C12orf42: variants seen among roughly 807,000 people sequenced by gnomAD.
C12orf42 encodes chromosome 12 open reading frame 42.
In C12orf42, 25 loss-of-function variants were observed where a neutral mutation model predicts 21.6. The ratio of observed to expected loss-of-function variants is 1.16; its 90% CI spans 0.84 to 1.62. The LOEUF (loss-of-function observed/expected upper bound fraction) is 1.62. Ranked by LOEUF, C12orf42 falls within the 40% of genes most tolerant of loss-of-function variation. The pLI is 0.00. For synonymous variants in C12orf42, 174 were observed against 175.0 expected (o/e 0.99, Z 0.05); for missense variants, 483 against 459.3 (o/e 1.05, Z -0.47).
chr12:103,249,955 C>A (rs760284953), intron 10 of C12orf42, among the ~76,000 whole-genome samples: 1 of 152,012 alleles, frequency 6.6e-6, no homozygotes, highest in East Asian at 1.9e-4. Context: ...GGTTTTTGTT[C>A]AAGTTATGAC....
intron 4 of C12orf42, among the ~76,000 whole-genome samples, chr12:103,310,123 T>C (rs899435145): frequency 2.0e-5 from 3 of 152,190 alleles, no homozygotes; most frequent in African/African-American, 4.8e-5. Flanking sequence ...TGGGAGGTGA[T>C]TGGATAATGG....
chr12:103,551,501 A>G, the C12orf42 span, among the ~76,000 whole-genome samples: 1 of 152,140 alleles, frequency 6.6e-6, no homozygotes, highest in South Asian at 2.1e-4. Flanking sequence ...TGAGTGATAG[A>G]GCAAGACCCT....
At chr12:103,355,371 G>T (rs745477867) in intron 4 of C12orf42, among the ~76,000 whole-genome samples, 2 of 152,132 alleles carry the variant, frequency 1.3e-5, no homozygotes, top group African/African-American at 2.4e-5. Context: ...CTGTATTGGT[G>T]TATGTATCTG....
the C12orf42 span, among the ~76,000 whole-genome samples, chr12:103,084,359 T>A: frequency 6.6e-6 from 1 of 152,218 alleles, no homozygotes; most frequent in African/African-American, 2.4e-5. Context: ...AGCTGGGGAC[T>A]GCTGGCAAAA....
chr12:103,247,421 T>C (rs1270374709), intron 10 of C12orf42, among the ~76,000 whole-genome samples: 1 of 152,038 alleles, frequency 6.6e-6, no homozygotes. Flanking sequence ...TCAAAAAATT[T>C]TATATGTAAT....
chr12:103,475,296 C>G (rs1953961271), intron 2 of C12orf42, among the ~76,000 whole-genome samples: 1 of 152,218 alleles, frequency 6.6e-6, no homozygotes, highest in Non-Finnish European at 1.5e-5. Flanking sequence ...GCTATTTACC[C>G]TTCCTATTAA....
chr12:103,184,714 C>G, the C12orf42 span, among the ~76,000 whole-genome samples: 1,430 of 24,892 alleles, frequency 0.057, 35 homozygotes, highest in African/African-American at 0.17. Context: ...AATTGTCACC[C>G]CCCCCCCCCC....
chr12:103,197,626 A>G, the C12orf42 span, among the ~76,000 whole-genome samples: 1 of 152,218 alleles, frequency 6.6e-6, no homozygotes, highest in African/African-American at 2.4e-5. Context: ...CTTGGAGGCA[A>G]GAAGACCCTC....
chr12:103,131,674 C>T, the C12orf42 span, among the ~76,000 whole-genome samples: 9 of 152,092 alleles, frequency 5.9e-5, no homozygotes, highest in Non-Finnish European at 1.0e-4. Flanking sequence ...TATTTTTCCT[C>T]AGGGAGTTGG....
chr12:103,181,868 A>G, the C12orf42 span, among the ~76,000 whole-genome samples: 2 of 152,192 alleles, frequency 1.3e-5, no homozygotes, highest in African/African-American at 4.8e-5. Context: ...ACATTTAATA[A>G]AATGCTAGGC....
chr12:103,361,055 A>G (rs970164590), intron 4 of C12orf42, among the ~76,000 whole-genome samples: 24 of 152,212 alleles, frequency 1.6e-4, no homozygotes, highest in Admixed American at 1.4e-3. Context: ...ACTGGGACAG[A>G]CAGAGCAGCA....
At chr12:103,155,166 T>C in the C12orf42 span, 3 of 152,208 alleles carry the variant, frequency 2.0e-5, no homozygotes, top group Non-Finnish European at 4.4e-5. Context: ...TTGAAGATAA[T>C]GCTTGGACAA....
intron 4 of C12orf42, among the ~76,000 whole-genome samples, chr12:103,312,874 TA>T (rs1468400137): frequency 6.6e-6 from 1 of 152,210 alleles, no homozygotes; most frequent in Non-Finnish European, 1.5e-5. Context: ...TGGTAAATCA[TA>T]ACAAATGCTG....
At chr12:103,139,028 C>T in the C12orf42 span, among the ~76,000 whole-genome samples, 3 of 152,182 alleles carry the variant, frequency 2.0e-5, no homozygotes, top group African/African-American at 7.2e-5. Flanking sequence ...AAGAACAGTG[C>T]CCTTGTCTTG....
At chr12:103,118,858 T>G in the C12orf42 span, among the ~76,000 whole-genome samples, 1 of 150,656 alleles carries the variant, frequency 6.6e-6, no homozygotes, top group Non-Finnish European at 1.5e-5. Context: ...TTTATGGAAA[T>G]TAAAGTTTTT....
chr12:103,326,241 G>A (rs534687083), intron 4 of C12orf42, among the ~76,000 whole-genome samples: 5 of 152,168 alleles, frequency 3.3e-5, no homozygotes, highest in East Asian at 3.9e-4. Flanking sequence ...TATATTATGG[G>A]GCTCTTGAAA....
intron 2 of C12orf42, among the ~76,000 whole-genome samples, chr12:103,403,323 C>T (rs1010864271): frequency 4.0e-5 from 6 of 150,618 alleles, no homozygotes. Context: ...TTGCAGTGAG[C>T]TGAGATTGCC....
At chr12:103,516,837 A>G in the C12orf42 span, among the ~76,000 whole-genome samples, 1 of 152,230 alleles carries the variant, frequency 6.6e-6, no homozygotes, top group Non-Finnish European at 1.5e-5. Flanking sequence ...AAGCAATAAG[A>G]AAACATAGTT....
chr12:103,329,603 A>G lies in C12orf42; in HGVS notation c.260-23258T>C, dbSNP rs12297179. 1.5e-3 allele frequency among the ~76,000 whole-genome samples: 218 copies of G among 149,704 alleles called. 2 individuals are homozygous for G. The highest frequency in any genetic ancestry group is 5.1e-3 in the African/African-American group (208 of 40,478). ...TCTCACTTGTGTGTTAAGAATATGG[A>G]CTCGGGCCTGCTTAAAAAAAAAAAA... On this transcript the variant is annotated intron_variant, in intron 4 of 5. Transcript: ENST00000548883.
Sources: gnomAD v4.1 joint callset for allele counts (sites outside exome capture counted in the v4.1 genomes callset) on GRCh38, gnomAD v4.1.1 for gene constraint, MANE v1.5 for transcripts, NCBI Gene and HGNC (gene_info 2026-07-23, HGNC 2026-07-21) for gene names.